The following PGM5 variants were observed in gnomAD, a reference collection of about 807,000 sequenced individuals.
The protein encoded by PGM5 is phosphoglucomutase 5.
A neutral mutation model predicts 59.2 loss-of-function variants in PGM5; 23 were observed. The ratio of observed to expected loss-of-function variants is 0.39; its 90% CI spans 0.28 to 0.55. The LOEUF (loss-of-function observed/expected upper bound fraction) is 0.55, where lower values mean the gene tolerates loss of function less well. PGM5 is among the 20% of genes least tolerant of loss of function. The probability of loss-of-function intolerance (pLI) is 0.66; values close to 1 mark genes in which losing one functional copy is unlikely to be tolerated. For synonymous variants in PGM5, 214 were observed against 286.0 expected, an observed-to-expected ratio of 0.75 and a Z score of 2.54; for missense variants, 574 against 748.3, an observed-to-expected ratio of 0.77 and a Z score of 2.72.
intron 10 of PGM5, among the ~76,000 whole-genome samples, chr9:68,509,017 C>T (rs1174305026): frequency 1.3e-5 from 2 of 152,218 alleles, no homozygotes; most frequent in Non-Finnish European, 2.9e-5. Context: ...TGCAATTAGC[C>T]AGCATCTGGA....
chr9:68,375,187 A>G (rs1459305545), intron 1 of PGM5, among the ~76,000 whole-genome samples: 1 of 152,238 alleles, frequency 6.6e-6, no homozygotes, highest in Non-Finnish European at 1.5e-5. Flanking sequence ...AGAAGTGTCC[A>G]TGCCATTTAT....
intron 10 of PGM5, among the ~76,000 whole-genome samples, chr9:68,517,877 G>C (rs1824845674): frequency 6.6e-6 from 1 of 152,164 alleles, no homozygotes; most frequent in South Asian, 2.1e-4. Context: ...ACAGTAACAA[G>C]AACAGGAAAA....
At chr9:68,386,996 T>C (rs1186947263) in intron 3 of PGM5, among the ~76,000 whole-genome samples, 3 of 151,804 alleles carry the variant, frequency 2.0e-5, no homozygotes, top group Non-Finnish European at 4.4e-5. Flanking sequence ...CAATGGCTTT[T>C]GGAAAATAGG....
At chr9:68,407,161 C>T (rs1822838460) in intron 6 of PGM5, among the ~76,000 whole-genome samples, 1 of 152,118 alleles carries the variant, frequency 6.6e-6, no homozygotes, top group Non-Finnish European at 1.5e-5. Context: ...GGGAAGGGGT[C>T]TGTCTGTTGC....
intron 6 of PGM5, among the ~76,000 whole-genome samples, chr9:68,430,626 A>G (rs1035444719): frequency 1.1e-4 from 16 of 152,238 alleles, no homozygotes; most frequent in African/African-American, 3.9e-4. Context: ...TTCTCTGGAT[A>G]CCGTTTCTGA....
At chr9:68,379,765 G>T (rs2374886) in intron 2 of PGM5, among the ~76,000 whole-genome samples, 71 of 152,102 alleles carry the variant, frequency 4.7e-4, no homozygotes, top group African/African-American at 1.6e-3. Context: ...AAGGAGATAT[G>T]CCATGAAAAC....
intron 7 of PGM5, among the ~76,000 whole-genome samples, chr9:68,468,090 A>T (rs1244725989): frequency 2.0e-5 from 3 of 151,482 alleles, no homozygotes; most frequent in African/African-American, 7.3e-5. Context: ...GAGCAAACTC[A>T]TGTCACAGGG....
chr9:68,480,290 T>TA (rs1824176016), intron 8 of PGM5, among the ~76,000 whole-genome samples: 1 of 152,228 alleles, frequency 6.6e-6, no homozygotes, highest in African/African-American at 2.4e-5. Context: ...ATCCTCTCTC[T>TA]ACCTCTTTCT....
At chr9:68,514,039 C>G (rs1276268090) in intron 10 of PGM5, among the ~76,000 whole-genome samples, 1 of 152,232 alleles carries the variant, frequency 6.6e-6, no homozygotes, top group Non-Finnish European at 1.5e-5. Context: ...AAAGGTAGTT[C>G]TTGGACTAGC....
At chr9:68,498,226 A>G (rs1177462836) in intron 9 of PGM5, 1 of 152,188 alleles carries the variant, frequency 6.6e-6, no homozygotes, top group African/African-American at 2.4e-5. Flanking sequence ...GTGAGCTGCT[A>G]GATCTTTACA....
intron 1 of PGM5, among the ~76,000 whole-genome samples, chr9:68,362,587 G>GT (rs1324577808): frequency 6.6e-6 from 1 of 152,124 alleles, no homozygotes; most frequent in Non-Finnish European, 1.5e-5. Flanking sequence ...TAACTAATTA[G>GT]TTTTTTATTT....
chr9:68,479,672 C>G, intron 8 of PGM5, 119 bp downstream of exon 8: 1 of 944,508 alleles, frequency 1.1e-6, no homozygotes, highest in Non-Finnish European at 1.5e-6. Flanking sequence ...CGGTGGCTCA[C>G]GCCTGTAATC....
At chr9:68,466,253 C>T in intron 7 of PGM5, 2 of 1,068,496 alleles carry the variant, frequency 1.9e-6, no homozygotes, top group Middle Eastern at 2.8e-4. Context: ...AGGAATTCTT[C>T]TTCTCCGATA....
chr9:68,458,935 T>G (rs1823818207), intron 6 of PGM5, among the ~76,000 whole-genome samples: 1 of 152,110 alleles, frequency 6.6e-6, no homozygotes, highest in African/African-American at 2.4e-5. Context: ...AAGTGCAAAC[T>G]CATATAAGCC....
chr9:68,439,557 A>T (rs1273871776), intron 6 of PGM5, among the ~76,000 whole-genome samples: 4 of 147,166 alleles, frequency 2.7e-5, no homozygotes, highest in South Asian at 2.1e-4. Flanking sequence ...GTTTCTCAGA[A>T]GATGATCAAA....
intron 6 of PGM5, among the ~76,000 whole-genome samples, chr9:68,433,731 C>T (rs1363160573): frequency 6.6e-6 from 1 of 152,188 alleles, no homozygotes; most frequent in Non-Finnish European, 1.5e-5. Flanking sequence ...GATAACAGCA[C>T]TCATGTGATA....
At chr9:68,373,502 GTATC>G (rs1261661499) in intron 1 of PGM5, among the ~76,000 whole-genome samples, 1 of 152,144 alleles carries the variant, frequency 6.6e-6, no homozygotes, top group Non-Finnish European at 1.5e-5. Flanking sequence ...AGATAAAAAT[GTATC>G]TATAATTGTT....
At chr9:68,456,646 A>G (rs1257352705) in intron 6 of PGM5, among the ~76,000 whole-genome samples, 1 of 137,774 alleles carries the variant, frequency 7.3e-6, no homozygotes, top group Non-Finnish European at 1.5e-5. Context: ...TTTCCTTGAA[A>G]CAGAATATTA....
intron 6 of PGM5, among the ~76,000 whole-genome samples, chr9:68,449,759 A>G (rs1233149580): frequency 6.6e-6 from 1 of 152,162 alleles, no homozygotes; most frequent in Non-Finnish European, 1.5e-5. Flanking sequence ...AGCTTGTTTC[A>G]CTCTACTGCA....
Sources: allele counts gnomAD v4.1 joint callset (sites outside exome capture counted in the v4.1 genomes callset), GRCh38; gene constraint gnomAD v4.1.1; transcripts MANE v1.5; gene names NCBI Gene and HGNC (gene_info 2026-07-23, HGNC 2026-07-21).